Variants in PRKN observed in about 807,000 individuals in gnomAD.
The protein encoded by PRKN is parkin RBR E3 ubiquitin protein ligase.
Under a neutral mutation model 59.5 loss-of-function variants are expected in PRKN, and 56 were observed. The observed-to-expected ratio is 0.94, with a 90% CI of 0.76 to 1.18. The LOEUF (loss-of-function observed/expected upper bound fraction) is 1.18, where lower values mean the gene tolerates loss of function less well. Ranked by LOEUF, PRKN falls within the 50% of genes most tolerant of loss-of-function variation. PRKN has a pLI of 0.00. For synonymous variants in PRKN, 250 were observed against 222.1 expected, an observed-to-expected ratio of 1.13 and a Z score of -1.12; for missense variants, 657 against 596.4, an observed-to-expected ratio of 1.10 and a Z score of -1.06.
At chr6:161,837,060 C>G (rs576691938) in intron 6 of PRKN, among the ~76,000 whole-genome samples, 5 of 152,136 alleles carry the variant, frequency 3.3e-5, no homozygotes, top group African/African-American at 1.2e-4. Flanking sequence ...GGAATGGGCA[C>G]TAAATAAAAG....
At chr6:161,815,150 A>C (rs367628707) in intron 6 of PRKN, among the ~76,000 whole-genome samples, 96 of 152,314 alleles carry the variant, frequency 6.3e-4, no homozygotes, top group African/African-American at 2.0e-3. Flanking sequence ...TGCAGTATAC[A>C]ACCTACACAA....
chr6:161,544,766 C>T lies in PRKN; in HGVS notation c.1083+4088G>A, dbSNP rs1779737064. On this transcript the variant is annotated intron_variant, in intron 9 of 11. Transcript: ENST00000366898. This position sits in a 1 kb window ranked among gnomAD's most constrained non-coding sequence, Gnocchi z 5.5. Reference sequence around the variant, plus strand: ...TGACATCATCACTTAAATGGAAATCCCTGTCTTCATTTATTAGTTAAGGTA... The same window carrying T: ...TGACATCATCACTTAAATGGAAATCTCTGTCTTCATTTATTAGTTAAGGTA... Among the ~76,000 whole-genome samples the T allele has an allele frequency of 6.6e-6, 1 of 152,102 alleles. No homozygotes were observed. Among genetic ancestry groups the T allele is most frequent in the South Asian group, 2.1e-4 (1 of 4,826 alleles).
At chr6:162,516,003 G>A (rs1361282153) in intron 1 of PRKN, among the ~76,000 whole-genome samples, 1 of 152,194 alleles carries the variant, frequency 6.6e-6, no homozygotes, top group Non-Finnish European at 1.5e-5. Context: ...CGGAAACTTA[G>A]CAGTGGAGGG....
At chr6:162,167,614 T>C (rs1269034052) in intron 4 of PRKN, among the ~76,000 whole-genome samples, 3 of 142,366 alleles carry the variant, frequency 2.1e-5, no homozygotes, top group Non-Finnish European at 4.5e-5. Context: ...AACAGGGATT[T>C]TTTTTTTTTT....
intron 7 of PRKN, among the ~76,000 whole-genome samples, chr6:161,608,821 T>C (rs757549920): frequency 1.3e-5 from 2 of 152,126 alleles, no homozygotes; most frequent in Non-Finnish European, 2.9e-5. Flanking sequence ...ATTACAGGCA[T>C]GAGCCACCAT....
chr6:162,641,211 G>A (rs1468152799), intron 1 of PRKN, among the ~76,000 whole-genome samples: 6 of 151,980 alleles, frequency 3.9e-5, no homozygotes. Flanking sequence ...AATAGTTTGA[G>A]GTAATTAAGA....
intron 2 of PRKN, among the ~76,000 whole-genome samples, chr6:162,341,808 T>C (rs1441506805): frequency 2.0e-5 from 3 of 151,822 alleles, no homozygotes; most frequent in Non-Finnish European, 2.9e-5. Context: ...CTAATGTAGA[T>C]GATGGATTGA....
intron 1 of PRKN, among the ~76,000 whole-genome samples, chr6:162,677,046 G>A (rs917860978): frequency 7.2e-6 from 1 of 139,638 alleles, no homozygotes; most frequent in Non-Finnish European, 1.5e-5. Flanking sequence ...GGCCAAGAGA[G>A]GAGACAACAT....
rs80041452 is a variant in PRKN at position 161,552,790 on chromosome 6, T to G, written c.934-3787A>C. 0.28 allele frequency among the ~76,000 whole-genome samples: 19,107 copies of G among 67,540 alleles called. 2,156 individuals are homozygous for G. The highest frequency in any genetic ancestry group is 0.4 in the African/African-American group (10,585 of 26,152). 44.3% of individuals were successfully genotyped at this position (67,540 alleles called of 152,430 possible). A position where few individuals can be genotyped will look rare whatever the true frequency, so the allele number is the denominator to read the frequency against. On this transcript the variant is annotated intron_variant, in intron 8 of 11. Coordinates refer to ENST00000366898, the MANE Select transcript of PRKN (RefSeq NM_004562.3). The surrounding 1 kb of genome is among the most constrained non-coding windows in gnomAD (Gnocchi z 4.9). The stretch of plus-strand genomic sequence containing the variant: ...AAGACACCATGGTTTTGTTGTTGTT[T>G]TTGTTTTTTGTTTTTTTTTTTTAGA...
At chr6:161,874,655 T>C (rs1385299140) in intron 6 of PRKN, among the ~76,000 whole-genome samples, 6 of 3,250 alleles carry the variant, frequency 1.8e-3, no homozygotes, top group Non-Finnish European at 6.1e-3. Context: ...ATATAAAATG[T>C]ATAATAAAAT....
intron 2 of PRKN, among the ~76,000 whole-genome samples, chr6:162,268,975 C>T (rs1780254060): frequency 6.6e-6 from 1 of 150,892 alleles, no homozygotes; most frequent in Non-Finnish European, 1.5e-5. Flanking sequence ...AAGATTAGTC[C>T]AGTGTGATTT....
intron 1 of PRKN, among the ~76,000 whole-genome samples, chr6:162,588,393 A>C (rs1376858470): frequency 3.3e-5 from 4 of 119,976 alleles, no homozygotes; most frequent in Admixed American, 1.7e-4. Context: ...TCACATTAAC[A>C]AAAAAAAAAA....
chr6:162,229,258 G>A (rs1304646768), intron 3 of PRKN, among the ~76,000 whole-genome samples: 1 of 151,940 alleles, frequency 6.6e-6, no homozygotes, highest in Admixed American at 6.6e-5. Flanking sequence ...AACACCCCCA[G>A]TCACCCAGGT....
intron 6 of PRKN, among the ~76,000 whole-genome samples, chr6:161,896,638 TG>T (rs1441044682): frequency 6.6e-6 from 1 of 152,012 alleles, no homozygotes; most frequent in Non-Finnish European, 1.5e-5. Context: ...CGGGAGGAGC[TG>T]GGGGAGCAGG....
chr6:161,647,253 C>G (rs1783990682), intron 7 of PRKN, among the ~76,000 whole-genome samples: 1 of 152,184 alleles, frequency 6.6e-6, no homozygotes, highest in African/African-American at 2.4e-5. Flanking sequence ...CAACTGTTAT[C>G]TTCTGAACAG....
intron 2 of PRKN, among the ~76,000 whole-genome samples, chr6:162,340,135 A>G (rs1784105033): frequency 9.3e-6 from 1 of 108,028 alleles, no homozygotes; most frequent in Admixed American, 8.4e-5. Context: ...AATTATCAAT[A>G]AAAAAATAAA....
At chr6:161,800,206 C>T (rs1791021501) in intron 6 of PRKN, among the ~76,000 whole-genome samples, 1 of 152,024 alleles carries the variant, frequency 6.6e-6, no homozygotes, top group Admixed American at 6.6e-5. Flanking sequence ...AAAGAGAGTG[C>T]CGTGGATCAA....
chr6:162,445,906 C>G (rs2128168791), intron 1 of PRKN, among the ~76,000 whole-genome samples: 1 of 152,080 alleles, frequency 6.6e-6, no homozygotes, highest in African/African-American at 2.4e-5. Context: ...AGACGTGACA[C>G]TCCAGTGAGG....
At chr6:162,496,918 C>G (rs529530208) in intron 1 of PRKN, among the ~76,000 whole-genome samples, 22 of 152,292 alleles carry the variant, frequency 1.4e-4, no homozygotes, top group African/African-American at 4.8e-4. Context: ...TCCTGGTTTA[C>G]AGCAAAATCA....
Sources: allele counts gnomAD v4.1 joint callset (sites outside exome capture counted in the v4.1 genomes callset), GRCh38; gene constraint gnomAD v4.1.1; non-coding constraint Gnocchi (gnomAD v3.1); transcripts MANE v1.5; gene names NCBI Gene and HGNC (gene_info 2026-07-23, HGNC 2026-07-21).